Variants in STOX1 observed in about 807,000 individuals in gnomAD.
STOX1 encodes the protein storkhead-box protein 1.
A neutral mutation model predicts 74.8 loss-of-function variants in STOX1; 57 were observed. The observed-to-expected ratio is 0.76, with a 90% CI of 0.62 to 0.95. The LOEUF (loss-of-function observed/expected upper bound fraction) is 0.95. Among genes scored for constraint, STOX1 ranks in the 40% least tolerant of loss-of-function variants. The pLI is 0.00. For missense variants in STOX1, 1,010 were observed against 1,117.0 expected (o/e 0.90, Z 1.37); for synonymous variants, 375 against 401.3 (o/e 0.93, Z 0.78).
chr10:68,844,288 G>C (rs984891202), intron 1 of STOX1, among the ~76,000 whole-genome samples: 3 of 137,006 alleles, frequency 2.2e-5, no homozygotes, highest in Non-Finnish European at 4.6e-5. Flanking sequence ...GCTATGTCTG[G>C]ATCTTCTTTT....
chr10:68,886,885 A>G (rs1477014946), intron 3 of STOX1, among the ~76,000 whole-genome samples: 1 of 151,500 alleles, frequency 6.6e-6, no homozygotes, highest in Non-Finnish European at 1.5e-5. Context: ...GTGCCACTGC[A>G]CTCCAGCCTG....
At position 68,892,777 on chromosome 10, in the gene STOX1, G is replaced by C. The variant is rs763021982; in HGVS notation, c.*41G>C. ...CTACTTTTTTCTTTATAAAAAGGTAGAGCATTATTACAGAATCTTTCAATC... is the reference window on the plus strand; with the variant it reads ...CTACTTTTTTCTTTATAAAAAGGTACAGCATTATTACAGAATCTTTCAATC... On this transcript the variant is annotated 3_prime_UTR_variant, in exon 4 of 4. Transcript: ENST00000298596. 16 of 1,590,602 alleles carry C rather than the reference G, an allele frequency of 1.0e-5. No homozygotes were observed. Among genetic ancestry groups the C allele is most frequent in the African/African-American group, 1.3e-5 (1 of 74,236 alleles).
intron 1 of STOX1, among the ~76,000 whole-genome samples, chr10:68,842,707 T>C (rs1309731604): frequency 3.4e-5 from 5 of 145,638 alleles, no homozygotes; most frequent in Non-Finnish European, 7.5e-5. Context: ...ACCTGGCTCA[T>C]TTTTTGTATT....
intron 1 of STOX1, among the ~76,000 whole-genome samples, chr10:68,866,676 G>A (rs993470956): frequency 3.3e-5 from 5 of 152,140 alleles, no homozygotes; most frequent in East Asian, 1.9e-4. Flanking sequence ...TAGTCCTACC[G>A]TTCCTTCTGG....
intron 1 of STOX1, among the ~76,000 whole-genome samples, chr10:68,836,780 C>G (rs997122350): frequency 6.6e-6 from 1 of 152,244 alleles, no homozygotes; most frequent in African/African-American, 2.4e-5. Flanking sequence ...TCCCACCTAG[C>G]TTGGCCCTGG....
chr10:68,845,476 A>G (rs1055982407), intron 1 of STOX1, among the ~76,000 whole-genome samples: 5 of 151,142 alleles, frequency 3.3e-5, no homozygotes, highest in South Asian at 2.1e-4. Context: ...GGGTTTCACC[A>G]TGTTAGCCAG....
chr10:68,892,910 C>T lies in STOX1; in HGVS notation c.*174C>T. 2.9e-6 allele frequency: 2 copies of T among 678,288 alleles called. No homozygotes were observed. Among genetic ancestry groups the T allele is most frequent in the East Asian group, 5.7e-5 (2 of 35,136 alleles). 42.0% of individuals were successfully genotyped at this position (678,288 alleles called of 1,614,324 possible). On this transcript the variant is annotated 3_prime_UTR_variant, in exon 4 of 4. Transcript: ENST00000298596. ...CTGGCTTTTTTTCCTCTTTTGGTGT[C>T]TTAAGGCTTTTTGAAGCTTATTTTA...
rs747800825 is a variant in STOX1, at chr10:68,886,058, C to T, written c.2262C>T (p.Gly754=). Residue 754 remains glycine (G), a synonymous_variant, in exon 3 of 4, where the codon GGC becomes GGT. Transcript: ENST00000298596. ...ENDDLRQMLP[G]HSQYSFTGGS... The stretch of plus-strand genomic sequence containing the variant: ...ACGACTTACGTCAAATGCTGCCTGG[C>T]CACAGTCAGTATTCCTTCACAGGTG... 6.2e-7 allele frequency: 1 copy of T among 1,614,124 alleles called. No homozygotes were observed.
chr10:68,873,042 C>G (rs1840573254), intron 1 of STOX1, among the ~76,000 whole-genome samples: 1 of 151,742 alleles, frequency 6.6e-6, no homozygotes, highest in Non-Finnish European at 1.5e-5. Flanking sequence ...CAAGGTCTTG[C>G]TCTGTCACCC....
chr10:68,886,728 ACCAT>A, intron 3 of STOX1, 110 bp downstream of exon 3: 2 of 944,160 alleles, frequency 2.1e-6, no homozygotes, highest in Non-Finnish European at 3.3e-6. Context: ...AGAGATTGAG[ACCAT>A]CCTGGCCAAC....
At chr10:68,887,301 A>C (rs1363130301) in intron 3 of STOX1, among the ~76,000 whole-genome samples, 1 of 152,168 alleles carries the variant, frequency 6.6e-6, no homozygotes, top group Non-Finnish European at 1.5e-5. Context: ...TTTATTTTTG[A>C]GATGGAGTTT....
intron 1 of STOX1, among the ~76,000 whole-genome samples, chr10:68,850,486 A>G (rs140083559): frequency 5.4e-4 from 82 of 152,360 alleles, no homozygotes; most frequent in African/African-American, 1.9e-3. Context: ...CACAAAGTGC[A>G]TAAAATAGTT....
chr10:68,866,920 C>T (rs1034211824), intron 1 of STOX1, among the ~76,000 whole-genome samples: 1 of 150,922 alleles, frequency 6.6e-6, no homozygotes, highest in Non-Finnish European at 1.5e-5. Context: ...TTTAGAATGA[C>T]ACTGATTGGA....
chr10:68,881,858 C>A, intron 1 of STOX1, 100 bp from the exon 2 acceptor site: 1 of 1,339,406 alleles, frequency 7.5e-7, no homozygotes, highest in Non-Finnish European at 1.1e-6. Flanking sequence ...AATTGCAATT[C>A]TACCTATTAG....
rs1840911450 is a variant in STOX1, at chr10:68,885,153, C to T, written c.1357C>T (p.Pro453Ser). The T allele has an allele frequency of 6.2e-7, 1 of 1,613,850 alleles. No individual in the cohort carries two copies. The highest frequency in any genetic ancestry group is 8.5e-7 in the Non-Finnish European group (1 of 1,179,910). The change falls in exon 3 of 4, where the codon CCC becomes TCC. Residue 453 changes from proline (P) to serine (S), a missense_variant. By Grantham distance (74) the Pro-to-Ser change is moderately conservative. Coordinates refer to ENST00000298596, the MANE Select transcript of STOX1 (RefSeq NM_152709.5). ...AGGAAGCATTAGACTGGAGAAACAC[C>T]CCAAGCTCCCTGCTACACAGCCCAT... The part of the protein sequence containing the change: ...QPGSIRLEKH[P>S]KLPATQPIPR...
In STOX1 at chr10:68,884,749, G is replaced by A. The variant is rs374535579; in HGVS notation, c.953G>A (p.Arg318His). ...AAGTTTGGTTTTAGTCTCTTATGGC[G>A]CAGCTTATCTAGAAAGGAGAAGCCC... ...GKKFGFSLLW[R>H]SLSRKEKPKT... is the part of the protein sequence containing the mutation. Residue 318 changes from arginine (R) to histidine (H), a missense_variant, in exon 3 of 4, where the codon CGC becomes CAC. By Grantham distance (29) the Arg-to-His change is conservative. Transcript: ENST00000298596. 28 of 1,613,994 alleles carry A rather than the reference G, an allele frequency of 1.7e-5. No individual in the cohort carries two copies. Among genetic ancestry groups the A allele is most frequent in the South Asian group, 5.5e-5 (5 of 91,076 alleles).
chr10:68,855,301 A>G (rs1840094053), intron 1 of STOX1, among the ~76,000 whole-genome samples: 1 of 151,838 alleles, frequency 6.6e-6, no homozygotes, highest in African/African-American at 2.4e-5. Context: ...TTGTATTTTT[A>G]GTACAGACGA....
chr10:68,887,233 C>A (rs1840985811), intron 3 of STOX1, among the ~76,000 whole-genome samples: 2 of 152,000 alleles, frequency 1.3e-5, no homozygotes, highest in South Asian at 4.2e-4. Context: ...GAAGTTTTCA[C>A]TTCTATTCCT....
chr10:68,836,015 G>A lies in STOX1; in HGVS notation c.310+8082G>A, dbSNP rs138796666. 2.7e-3 allele frequency among the ~76,000 whole-genome samples: 414 copies of A among 152,304 alleles called. 13 individuals are homozygous for A. The East Asian group carries it at 0.075, about 28-fold the overall frequency. On this transcript the variant is annotated intron_variant, in intron 1 of 3. Transcript: ENST00000298596. ...GCCTCCTAAGTAGCTGGGATTACAG[G>A]CGCGTGCCACCACGCCAGGCTAATT... is the stretch of plus-strand genomic sequence containing the variant.
Sources: allele counts gnomAD v4.1 joint callset (sites outside exome capture counted in the v4.1 genomes callset), GRCh38; gene constraint gnomAD v4.1.1; transcripts MANE v1.5; gene names NCBI Gene and HGNC (gene_info 2026-07-23, HGNC 2026-07-21).